Variants in MYH15 observed in about 807,000 individuals in gnomAD.
MYH15 encodes the protein myosin-15.
A neutral mutation model predicts 240.5 loss-of-function variants in MYH15; 227 were observed. That is an observed-to-expected ratio of 0.94 (90% CI 0.85 to 1.05). The LOEUF (loss-of-function observed/expected upper bound fraction) is 1.05, where lower values mean the gene tolerates loss of function less well. Ranked by LOEUF, MYH15 falls within the 50% of genes least tolerant of loss-of-function variation. The probability of loss-of-function intolerance (pLI) is 0.00; values close to 1 mark genes in which losing one functional copy is unlikely to be tolerated. For synonymous variants in MYH15, 785 were observed against 796.7 expected (o/e 0.99, Z 0.25); for missense variants, 2,217 against 2,247.5 (o/e 0.99, Z 0.27).
chr3:108,510,537 T>A lies in MYH15; in HGVS notation c.-7A>T. ...CAAGGTCTGACAGATCCATCTTTATTAAAGCAATCCACCAAAAAAAGGCCC... is the reference window on the plus strand; with the variant it reads ...CAAGGTCTGACAGATCCATCTTTATAAAAGCAATCCACCAAAAAAAGGCCC... On this transcript the variant is annotated 5_prime_UTR_variant, in exon 1 of 41. Transcript: ENST00000693548. 1.2e-6 allele frequency: 2 copies of A among 1,610,408 alleles called. No homozygotes were observed. The highest frequency in any genetic ancestry group is 1.1e-5 in the South Asian group (1 of 90,868).
intron 1 of MYH15, among the ~76,000 whole-genome samples, chr3:108,526,627 A>G (rs1559677727): frequency 6.6e-6 from 1 of 152,194 alleles, no homozygotes; most frequent in Non-Finnish European, 1.5e-5. Context: ...GATGTTTTCC[A>G]GGGATTTTCA....
intron 32 of MYH15, 136 bp downstream of exon 32, chr3:108,408,144 G>T: frequency 1.0e-6 from 1 of 955,576 alleles, no homozygotes; most frequent in East Asian, 2.6e-5. Context: ...TTAAAATTAT[G>T]CATTTGGCAG....
At chr3:108,498,649 T>C (rs2083412993) in intron 5 of MYH15, among the ~76,000 whole-genome samples, 1 of 152,192 alleles carries the variant, frequency 6.6e-6, no homozygotes, top group South Asian at 2.1e-4. Context: ...GCCTCCTCAA[T>C]GTAAGCATCA....
intron 14 of MYH15, among the ~76,000 whole-genome samples, chr3:108,466,639 G>A (rs891528611): frequency 8.5e-5 from 13 of 152,096 alleles, no homozygotes; most frequent in Non-Finnish European, 1.5e-4. Context: ...TTCTCTATCA[G>A]CCCATGAAAT....
At chr3:108,504,200 C>A (rs2083457680) in intron 2 of MYH15, among the ~76,000 whole-genome samples, 1 of 152,096 alleles carries the variant, frequency 6.6e-6, no homozygotes, top group African/African-American at 2.4e-5. Flanking sequence ...TTTGGGGGAT[C>A]TTTTCTAATA....
upstream of MYH15, among the ~76,000 whole-genome samples, chr3:108,533,388 T>C (rs2083725038): frequency 6.6e-6 from 1 of 152,172 alleles, no homozygotes; most frequent in African/African-American, 2.4e-5. Flanking sequence ...TACTTAATCC[T>C]TCTGAGTCTT....
the MYH15 span, among the ~76,000 whole-genome samples, chr3:108,541,645 C>A: frequency 1.3e-5 from 2 of 152,024 alleles, no homozygotes; most frequent in African/African-American, 2.4e-5. Context: ...ACAAATATCG[C>A]TAGTGGGTTA....
intron 27 of MYH15, among the ~76,000 whole-genome samples, chr3:108,425,110 G>C (rs34604514): frequency 0.08 from 12,157 of 152,244 alleles, 535 homozygotes; most frequent in Middle Eastern, 0.11. Flanking sequence ...CTCAAAAACA[G>C]GTAAGTCTTT....
intron 2 of MYH15, among the ~76,000 whole-genome samples, chr3:108,504,348 T>G (rs1358090485): frequency 6.6e-6 from 1 of 152,224 alleles, no homozygotes; most frequent in Non-Finnish European, 1.5e-5. Flanking sequence ...AGTTCTTTTC[T>G]TAATTTCCTG....
intron 27 of MYH15, among the ~76,000 whole-genome samples, chr3:108,422,988 T>C (rs2082695108): frequency 1.3e-5 from 2 of 152,192 alleles, no homozygotes; most frequent in Admixed American, 1.3e-4. Context: ...CAGCTAAAGA[T>C]GGGGTTCTTT....
At chr3:108,535,168 G>C in the MYH15 span, among the ~76,000 whole-genome samples, 1 of 152,108 alleles carries the variant, frequency 6.6e-6, no homozygotes. Context: ...GCAAATTCTT[G>C]AGCTGTCCCA....
chr3:108,485,337 C>T, intron 10 of MYH15, 108 bp from the exon 11 acceptor site: 1 of 1,242,130 alleles, frequency 8.1e-7, no homozygotes, highest in Non-Finnish European at 1.1e-6. Flanking sequence ...GGGAATGAGA[C>T]AGACAGCTCT....
chr3:108,422,208 T>A (rs1234943025), intron 27 of MYH15, among the ~76,000 whole-genome samples: 8 of 145,398 alleles, frequency 5.5e-5, no homozygotes, highest in Admixed American at 5.1e-4. Context: ...GTATAAATTA[T>A]CTTTTTATTA....
chr3:108,485,301 T>C (rs1434225492), intron 10 of MYH15, 72 bp from the exon 11 acceptor site: 2 of 1,559,550 alleles, frequency 1.3e-6, no homozygotes, highest in African/African-American at 2.7e-5. Context: ...ACCCCCGCTG[T>C]GTTACACCTC....
At position 108,421,078 on chromosome 3, in the gene MYH15, A is replaced by C; in HGVS notation, c.3829+10T>G. On this transcript the variant is annotated intron_variant, in intron 28 of 40. Transcript: ENST00000693548. ...GAATTGCCTATGAGTCAAGCAGCAT[A>C]CTTACTTACCACTCTCACTCCACAG... 1 of 1,613,830 alleles carries C rather than the reference A, an allele frequency of 6.2e-7. No homozygotes were observed. The highest frequency in any genetic ancestry group is 8.5e-7 in the Non-Finnish European group (1 of 1,179,848).
rs189002397 is a variant in MYH15, at chr3:108,470,190, C to T, written c.1406G>A (p.Cys469Tyr). Residue 469 changes from cysteine to tyrosine, a missense_variant, in exon 14 of 41, where the codon TGC becomes TAC. Coordinates refer to ENST00000693548, the MANE Select transcript of MYH15 (RefSeq NM_014981.3). ...ILEYNSLEQL[C>Y]INFTNEKLQQ... is the part of the protein sequence containing the mutation. ...TAATTTTTCATTGGTAAAATTAATG[C>T]AAAGTTGCTCAAGGCTATTATACTT... The T allele has an allele frequency of 1.4e-5, 22 of 1,607,436 alleles. No homozygotes were observed. Among genetic ancestry groups the T allele is most frequent in the Non-Finnish European group, 1.7e-6 (2 of 1,176,976 alleles).
At chr3:108,547,110 C>T in the MYH15 span, among the ~76,000 whole-genome samples, 1 of 151,652 alleles carries the variant, frequency 6.6e-6, no homozygotes, top group Non-Finnish European at 1.5e-5. Flanking sequence ...TGAGGTGTAG[C>T]GGTGCAATCA....
At chr3:108,481,293 A>G (rs1320636097) in intron 11 of MYH15, among the ~76,000 whole-genome samples, 1 of 152,222 alleles carries the variant, frequency 6.6e-6, no homozygotes, top group Non-Finnish European at 1.5e-5. Context: ...ATTGTCTCTG[A>G]GTAGGTAGGG....
At chr3:108,520,049 A>G (rs2083605705) in intron 1 of MYH15, among the ~76,000 whole-genome samples, 1 of 152,206 alleles carries the variant, frequency 6.6e-6, no homozygotes, top group Admixed American at 6.6e-5. Flanking sequence ...TTGAACATTC[A>G]ATAAGTGCCA....
Sources: gnomAD v4.1 joint callset for allele counts (sites outside exome capture counted in the v4.1 genomes callset) on GRCh38, gnomAD v4.1.1 for gene constraint, MANE v1.5 for transcripts, NCBI Gene and HGNC (gene_info 2026-07-23, HGNC 2026-07-21) for gene names.